TRPC4: variants seen among roughly 807,000 people sequenced by gnomAD.
TRPC4 encodes short transient receptor potential channel 4.
TRPC4 carries 49 observed loss-of-function variants against 99.4 expected under a neutral mutation model. The ratio of observed to expected loss-of-function variants is 0.49; its 90% CI spans 0.39 to 0.63. TRPC4 has a LOEUF of 0.63. Among genes scored for constraint, TRPC4 ranks in the 20% least tolerant of loss-of-function variants. The pLI, the probability that TRPC4 is intolerant of heterozygous loss-of-function variation, is 0.00. For synonymous variants in TRPC4, 454 were observed against 425.9 expected (o/e 1.07, Z -0.81); for missense variants, 898 against 1,152.9 (o/e 0.78, Z 3.20).
chr13:37,683,238 T>A (rs1460413595), intron 4 of TRPC4, among the ~76,000 whole-genome samples: 1 of 152,070 alleles, frequency 6.6e-6, no homozygotes, highest in African/African-American at 2.4e-5. Flanking sequence ...CTGGGGCATC[T>A]GTTTGGGCAG....
chr13:37,784,304 T>C (rs1424678959), intron 1 of TRPC4, among the ~76,000 whole-genome samples: 1 of 151,976 alleles, frequency 6.6e-6, no homozygotes, highest in Non-Finnish European at 1.5e-5. Flanking sequence ...AGGAATGTAT[T>C]CATTATAATT....
At chr13:37,811,517 C>G (rs1340216182) in intron 1 of TRPC4, among the ~76,000 whole-genome samples, 1 of 152,050 alleles carries the variant, frequency 6.6e-6, no homozygotes, top group Non-Finnish European at 1.5e-5. Flanking sequence ...AACTAAGAAT[C>G]TGGGGAGAGG....
rs150532908 is a variant in TRPC4 at position 37,728,439 on chromosome 13, T to C, written c.897+17498A>G. Among the ~76,000 whole-genome samples, 636 of 151,790 alleles carry C rather than the reference T, an allele frequency of 4.2e-3. 4 individuals are homozygous for C. Among genetic ancestry groups the C allele is most frequent in the African/African-American group, 0.015 (608 of 41,452 alleles). ...TAAGGAAATTCAATTTATAAAAAAA[T>C]CAAAAAGTATAAAATATGTAGGAAT... is the stretch of plus-strand genomic sequence containing the variant. On this transcript the variant is annotated intron_variant, in intron 3 of 10. Transcript: ENST00000379705.
chr13:37,656,555 C>A (rs981347703), intron 6 of TRPC4, among the ~76,000 whole-genome samples: 3 of 152,086 alleles, frequency 2.0e-5, no homozygotes, highest in African/African-American at 7.2e-5. Context: ...GGTCAAGTGA[C>A]CCAAGGAGAG....
At chr13:37,703,922 T>C (rs185575006) in intron 3 of TRPC4, among the ~76,000 whole-genome samples, 7 of 152,230 alleles carry the variant, frequency 4.6e-5, no homozygotes, top group Non-Finnish European at 8.8e-5. Flanking sequence ...AATATCATAG[T>C]AGCTTTTTTG....
chr13:37,745,468 A>G (rs1955730022), intron 3 of TRPC4, among the ~76,000 whole-genome samples: 1 of 2,004 alleles, frequency 5.0e-4, no homozygotes, highest in Admixed American at 0.012. Context: ...ATATATATAT[A>G]TATATACACA....
chr13:37,831,884 G>T (rs574295405), intron 1 of TRPC4, among the ~76,000 whole-genome samples: 1 of 152,152 alleles, frequency 6.6e-6, no homozygotes, highest in African/African-American at 2.4e-5. Flanking sequence ...AGTCTGGCAG[G>T]AGGGTGGAGT....
At chr13:37,649,828 T>A (rs1326023587) in intron 8 of TRPC4, among the ~76,000 whole-genome samples, 2 of 144,270 alleles carry the variant, frequency 1.4e-5, no homozygotes, top group South Asian at 2.2e-4. Flanking sequence ...ATATCTGGAG[T>A]AAAATAATTT....
Position 37,801,758 on chromosome 13 carries a change from T to C in TRPC4, c.-27-18398A>G, listed in dbSNP as rs2139433348. ...AAGACATCGAGCATAATATCATCAA[T>C]ACTAAAGTAAGGATATTTAGAAAGA... On this transcript the variant is annotated intron_variant, in intron 1 of 10. Coordinates refer to ENST00000379705, the MANE Select transcript of TRPC4 (RefSeq NM_016179.4). Among the ~76,000 whole-genome samples, 3 of 152,032 alleles carry C rather than the reference T, an allele frequency of 2.0e-5. No individual in the cohort carries two copies. The Middle Eastern group carries it at 0.01, about 517-fold the overall frequency.
At position 37,745,936 on chromosome 13, in the gene TRPC4, C is replaced by T; in HGVS notation, c.897+1G>A. The T allele has an allele frequency of 6.2e-7, 1 of 1,607,666 alleles. No homozygotes were observed. Among genetic ancestry groups the T allele is most frequent in the Non-Finnish European group, 8.5e-7 (1 of 1,175,770 alleles). The stretch of plus-strand genomic sequence containing the variant: ...GATGGATCAAGTCTGGCAACACTCA[C>T]CTCTTTTTGACGGTACTTAATGGCC... On this transcript the variant is annotated splice_donor_variant, in intron 3 of 10. Coordinates refer to ENST00000379705, the MANE Select transcript of TRPC4 (RefSeq NM_016179.4). LOFTEE classifies it high-confidence loss of function.
At chr13:37,812,176 CAAA>C (rs61607544) in intron 1 of TRPC4, among the ~76,000 whole-genome samples, 4 of 55,140 alleles carry the variant, frequency 7.3e-5, no homozygotes, top group Admixed American at 2.5e-4. Flanking sequence ...GAGACTCTAT[CAAA>C]AAAAAAAAAA....
At chr13:37,675,448 T>C (rs990833357) in intron 4 of TRPC4, among the ~76,000 whole-genome samples, 1 of 152,120 alleles carries the variant, frequency 6.6e-6, no homozygotes, top group Non-Finnish European at 1.5e-5. Context: ...CTAGAATCCC[T>C]GGGAGCCACA....
intron 4 of TRPC4, among the ~76,000 whole-genome samples, chr13:37,679,000 A>G (rs1417490618): frequency 6.6e-6 from 1 of 152,202 alleles, no homozygotes; most frequent in Non-Finnish European, 1.5e-5. Flanking sequence ...TAGATGCAGT[A>G]TAAACATTTG....
chr13:37,642,671 C>G (rs1951752014), intron 8 of TRPC4, among the ~76,000 whole-genome samples: 1 of 151,906 alleles, frequency 6.6e-6, no homozygotes. Context: ...ATTATTTACA[C>G]TCTTGGTGCC....
At chr13:37,802,743 T>C (rs1007350950) in intron 1 of TRPC4, among the ~76,000 whole-genome samples, 1 of 152,046 alleles carries the variant, frequency 6.6e-6, no homozygotes, top group African/African-American at 2.4e-5. Context: ...TATTAAAAAG[T>C]TTTTAGACAT....
intron 1 of TRPC4, among the ~76,000 whole-genome samples, chr13:37,830,890 G>A (rs780185666): frequency 6.7e-5 from 10 of 150,274 alleles, no homozygotes; most frequent in Middle Eastern, 3.5e-3. Context: ...TTACTATATA[G>A]GAAGTAGTAT....
intron 3 of TRPC4, among the ~76,000 whole-genome samples, chr13:37,718,384 C>A (rs1444891577): frequency 2.0e-5 from 3 of 151,586 alleles, no homozygotes; most frequent in African/African-American, 7.3e-5. Context: ...TGCAAAATTT[C>A]TCCTTCTAGA....
At chr13:37,766,607 A>G (rs1185530301) in intron 2 of TRPC4, among the ~76,000 whole-genome samples, 1 of 151,456 alleles carries the variant, frequency 6.6e-6, no homozygotes, top group Non-Finnish European at 1.5e-5. Flanking sequence ...GAGGAATAGC[A>G]AAGTCAGAGA....
intron 3 of TRPC4, among the ~76,000 whole-genome samples, chr13:37,734,271 A>G (rs1413013300): frequency 2.6e-5 from 4 of 152,206 alleles, no homozygotes; most frequent in Non-Finnish European, 5.9e-5. Flanking sequence ...CTGGGCTTCA[A>G]TAAGGTGGCT....
Sources: gnomAD v4.1 joint callset for allele counts (sites outside exome capture counted in the v4.1 genomes callset) on GRCh38, gnomAD v4.1.1 for gene constraint, MANE v1.5 for transcripts, NCBI Gene and HGNC (gene_info 2026-07-23, HGNC 2026-07-21) for gene names.